The following DYNC1I1 variants were observed in gnomAD, a reference collection of about 807,000 sequenced individuals.
DYNC1I1 encodes cytoplasmic dynein 1 intermediate chain 1.
A neutral mutation model predicts 86.6 loss-of-function variants in DYNC1I1; 43 were observed. The ratio of observed to expected loss-of-function variants is 0.50; its 90% CI spans 0.39 to 0.64. DYNC1I1 has a LOEUF of 0.64. Ranked by LOEUF, DYNC1I1 falls within the 30% of genes least tolerant of loss-of-function variation. DYNC1I1 has a pLI of 0.00. For synonymous variants in DYNC1I1, 262 were observed against 283.7 expected, an observed-to-expected ratio of 0.92 and a Z score of 0.77; for missense variants, 604 against 788.8, an observed-to-expected ratio of 0.77 and a Z score of 2.81.
chr7:96,055,927 T>C (rs940867893), intron 14 of DYNC1I1: 9 of 152,154 alleles, frequency 5.9e-5, no homozygotes, highest in African/African-American at 1.9e-4. Flanking sequence ...ATTGACTTGA[T>C]CTAAGCCCAA....
intron 5 of DYNC1I1, among the ~76,000 whole-genome samples, chr7:95,863,470 A>T (rs1789943087): frequency 6.6e-6 from 1 of 151,814 alleles, no homozygotes; most frequent in South Asian, 2.1e-4. Context: ...ATTAAATTAT[A>T]CAGTTTAAAT....
intron 10 of DYNC1I1, among the ~76,000 whole-genome samples, chr7:96,005,932 A>C (rs893118842): frequency 6.6e-6 from 1 of 152,210 alleles, no homozygotes; most frequent in Non-Finnish European, 1.5e-5. Flanking sequence ...TATAAAAAGT[A>C]GAACTGTAGC....
At chr7:96,095,235 G>A (rs776603770) in intron 16 of DYNC1I1, among the ~76,000 whole-genome samples, 1 of 152,098 alleles carries the variant, frequency 6.6e-6, no homozygotes, top group Non-Finnish European at 1.5e-5. Context: ...ACTCACTTCT[G>A]TTCTAAACTG....
intron 5 of DYNC1I1, among the ~76,000 whole-genome samples, chr7:95,830,924 G>A (rs1795307079): frequency 6.6e-6 from 1 of 152,076 alleles, no homozygotes; most frequent in Non-Finnish European, 1.5e-5. Context: ...AAGAAGTATA[G>A]TGGTATTTCA....
intron 1 of DYNC1I1, among the ~76,000 whole-genome samples, chr7:95,774,451 T>C (rs774321215): frequency 6.6e-6 from 1 of 152,120 alleles, no homozygotes; most frequent in African/African-American, 2.4e-5. Flanking sequence ...ATTGAAAACA[T>C]GCATGATTGT....
intron 10 of DYNC1I1, among the ~76,000 whole-genome samples, chr7:96,007,343 A>C (rs1258755743): frequency 1.3e-5 from 2 of 152,240 alleles, no homozygotes; most frequent in Non-Finnish European, 2.9e-5. Context: ...GAGGGATCCA[A>C]CAGTGTTGAA....
chr7:96,109,512 A>G (rs1179868288), intron 16 of DYNC1I1, among the ~76,000 whole-genome samples: 2 of 152,106 alleles, frequency 1.3e-5, no homozygotes, highest in Non-Finnish European at 2.9e-5. Context: ...TTTCTAATGT[A>G]AGCAGTTAAT....
chr7:96,026,900 C>T (rs74680946), intron 10 of DYNC1I1, among the ~76,000 whole-genome samples: 264 of 152,288 alleles, frequency 1.7e-3, no homozygotes, highest in Non-Finnish European at 2.6e-3. Flanking sequence ...ACACACTCCA[C>T]ATGCTCCTAC....
intron 1 of DYNC1I1, among the ~76,000 whole-genome samples, chr7:95,799,117 C>T (rs1390040206): frequency 6.6e-6 from 1 of 152,124 alleles, no homozygotes; most frequent in Non-Finnish European, 1.5e-5. Context: ...GGTGTGGTGG[C>T]TCATGCTTAT....
chr7:95,926,283 C>A (rs561361635), intron 6 of DYNC1I1, among the ~76,000 whole-genome samples: 37 of 152,160 alleles, frequency 2.4e-4, no homozygotes, highest in African/African-American at 8.9e-4. Context: ...TCTAGAAATA[C>A]TATTACTGGT....
intron 1 of DYNC1I1, among the ~76,000 whole-genome samples, chr7:95,799,463 C>A (rs1207992374): frequency 6.6e-6 from 1 of 152,124 alleles, no homozygotes; most frequent in Admixed American, 6.5e-5. Context: ...AACTTCCTAA[C>A]TAGAGAAGAA....
At chr7:95,814,708 T>A (rs1220527784) in intron 4 of DYNC1I1, among the ~76,000 whole-genome samples, 1 of 152,148 alleles carries the variant, frequency 6.6e-6, no homozygotes, top group African/African-American at 2.4e-5. Flanking sequence ...TGTTACCTAT[T>A]TCTGCCTGTT....
At chr7:96,039,236 A>T in intron 13 of DYNC1I1, 41 bp from the exon 14 acceptor site, 1 of 1,575,976 alleles carries the variant, frequency 6.3e-7, no homozygotes, top group Non-Finnish European at 8.6e-7. Flanking sequence ...ATTGCTTTTC[A>T]GAGGTCACTG....
chr7:95,888,092 A>T (rs754979790), intron 6 of DYNC1I1, among the ~76,000 whole-genome samples: 1 of 152,300 alleles, frequency 6.6e-6, no homozygotes, highest in East Asian at 1.9e-4. Context: ...TACTCCAAAG[A>T]CTAATCGAGA....
At chr7:96,078,498 C>A (rs1212637889) in intron 15 of DYNC1I1, among the ~76,000 whole-genome samples, 1 of 151,988 alleles carries the variant, frequency 6.6e-6, no homozygotes, top group Non-Finnish European at 1.5e-5. Context: ...TATTTTCTAT[C>A]ATTTGTAATA....
chr7:96,040,109 C>T (rs1422734113), intron 14 of DYNC1I1, among the ~76,000 whole-genome samples: 1 of 151,978 alleles, frequency 6.6e-6, no homozygotes, highest in African/African-American at 2.4e-5. Flanking sequence ...TGGTACATGC[C>T]TGTAGTCCCA....
intron 6 of DYNC1I1, among the ~76,000 whole-genome samples, chr7:95,961,370 A>C (rs1292243183): frequency 6.6e-6 from 1 of 152,152 alleles, no homozygotes. Flanking sequence ...GGTAATTAAG[A>C]AGGAGGATGG....
chr7:95,850,436 T>A (rs907628299), intron 5 of DYNC1I1, among the ~76,000 whole-genome samples: 3 of 152,200 alleles, frequency 2.0e-5, no homozygotes, highest in African/African-American at 4.8e-5. Flanking sequence ...TTTTGCCAAC[T>A]GCTCTTTTTG....
chr7:95,999,019 G>A (rs551608306), intron 10 of DYNC1I1, among the ~76,000 whole-genome samples: 1 of 152,302 alleles, frequency 6.6e-6, no homozygotes, highest in South Asian at 2.1e-4. Context: ...AATTTTTAGT[G>A]TGATCTCTGG....
Sources: gnomAD v4.1 joint callset for allele counts (sites outside exome capture counted in the v4.1 genomes callset) on GRCh38, gnomAD v4.1.1 for gene constraint, MANE v1.5 for transcripts, NCBI Gene and HGNC (gene_info 2026-07-23, HGNC 2026-07-21) for gene names.